The following SMYD3 variants were observed in gnomAD, a reference collection of about 807,000 sequenced individuals.
SMYD3 encodes histone-lysine N-methyltransferase SMYD3.
In SMYD3, 36 loss-of-function variants were observed where a neutral mutation model predicts 57.7. The observed-to-expected ratio is 0.62, with a 90% confidence interval of 0.48 to 0.82. SMYD3 has a LOEUF of 0.82. SMYD3 is among the 40% of genes least tolerant of loss of function. SMYD3 has a pLI of 0.00. For missense variants in SMYD3, 515 were observed against 538.8 expected (o/e 0.96, Z 0.44); for synonymous variants, 211 against 195.0 (o/e 1.08, Z -0.68).
At chr1:246,263,267 C>A (rs2064043998) in intron 5 of SMYD3, among the ~76,000 whole-genome samples, 1 of 152,170 alleles carries the variant, frequency 6.6e-6, no homozygotes, top group South Asian at 2.1e-4. Context: ...TGTTTCTGTA[C>A]TATAAAATAC....
chr1:246,067,516 T>C (rs1200014523), intron 5 of SMYD3, among the ~76,000 whole-genome samples: 1 of 152,126 alleles, frequency 6.6e-6, no homozygotes, highest in Non-Finnish European at 1.5e-5. Flanking sequence ...TGTCAGGATT[T>C]GCAGTTTCTT....
At chr1:246,316,687 C>G (rs902434301) in intron 5 of SMYD3, among the ~76,000 whole-genome samples, 8 of 146,742 alleles carry the variant, frequency 5.5e-5, no homozygotes, top group Non-Finnish European at 1.2e-4. Flanking sequence ...GGCCAAGACC[C>G]TGTCTTTTAA....
intron 5 of SMYD3, chr1:246,186,916 G>A: frequency 1.0e-6 from 1 of 985,430 alleles, no homozygotes; most frequent in South Asian, 4.7e-5. Flanking sequence ...TATGCAAGAG[G>A]TCTCACGGAA....
chr1:246,140,847 C>T (rs139501217), intron 5 of SMYD3, among the ~76,000 whole-genome samples: 23 of 152,278 alleles, frequency 1.5e-4, no homozygotes, highest in African/African-American at 4.6e-4. Flanking sequence ...CTCCCCTCTC[C>T]GCCTCCTGAG....
intron 11 of SMYD3, among the ~76,000 whole-genome samples, chr1:245,760,760 A>G (rs1245129874): frequency 9.2e-5 from 14 of 152,046 alleles, no homozygotes. Flanking sequence ...GTCATAGAAC[A>G]TAATTGTTCA....
intron 5 of SMYD3, among the ~76,000 whole-genome samples, chr1:245,983,949 CA>C (rs1419555647): frequency 2.0e-5 from 3 of 151,112 alleles, no homozygotes; most frequent in Non-Finnish European, 4.4e-5. Flanking sequence ...GCAACATTTC[CA>C]AAACCTTAAA....
chr1:246,116,089 G>A (rs940431067), intron 5 of SMYD3, among the ~76,000 whole-genome samples: 1 of 151,950 alleles, frequency 6.6e-6, no homozygotes, highest in Non-Finnish European at 1.5e-5. Context: ...GCAGTGAGCC[G>A]AGATCATACC....
intron 10 of SMYD3, among the ~76,000 whole-genome samples, chr1:245,842,173 C>T (rs9727921): frequency 2.0e-5 from 3 of 151,926 alleles, no homozygotes; most frequent in Non-Finnish European, 2.9e-5. Flanking sequence ...CGCATTTCTC[C>T]GAACGTATCC....
At chr1:246,157,446 G>A (rs977260963) in intron 5 of SMYD3, among the ~76,000 whole-genome samples, 3 of 152,024 alleles carry the variant, frequency 2.0e-5, no homozygotes, top group Non-Finnish European at 2.9e-5. Flanking sequence ...GCTCTCATCC[G>A]GTCAGGCATC....
intron 5 of SMYD3, among the ~76,000 whole-genome samples, chr1:246,027,011 A>G (rs1243226894): frequency 6.6e-6 from 1 of 152,248 alleles, no homozygotes; most frequent in Non-Finnish European, 1.5e-5. Flanking sequence ...TCAGAAAGTG[A>G]GACAGCCTTA....
chr1:246,165,220 C>A (rs189202389), intron 5 of SMYD3, among the ~76,000 whole-genome samples: 3 of 152,172 alleles, frequency 2.0e-5, no homozygotes, highest in Non-Finnish European at 4.4e-5. Flanking sequence ...CGCCAGACTA[C>A]AGCGGAGGTG....
At chr1:246,218,201 T>G (rs1429986214) in intron 5 of SMYD3, among the ~76,000 whole-genome samples, 1 of 151,624 alleles carries the variant, frequency 6.6e-6, no homozygotes, top group South Asian at 2.1e-4. Context: ...CATAAAAAAC[T>G]GATTTCAATA....
At chr1:246,441,891 C>T (rs2067477062) in intron 1 of SMYD3, among the ~76,000 whole-genome samples, 1 of 152,220 alleles carries the variant, frequency 6.6e-6, no homozygotes, top group Admixed American at 6.5e-5. Flanking sequence ...GGACTACAGG[C>T]GTGAACTTAC....
intron 5 of SMYD3, among the ~76,000 whole-genome samples, chr1:245,943,598 T>C (rs779195749): frequency 6.6e-6 from 1 of 152,002 alleles, no homozygotes. Context: ...TTCCAAACAA[T>C]TGAAAAAGAG....
chr1:246,329,915 G>A (rs1299242159), intron 4 of SMYD3, among the ~76,000 whole-genome samples: 6 of 152,048 alleles, frequency 3.9e-5, no homozygotes, highest in Non-Finnish European at 7.3e-5. Flanking sequence ...AAGGATCTGC[G>A]CCAATACAAA....
chr1:245,767,428 T>A (rs1354165972), intron 10 of SMYD3, among the ~76,000 whole-genome samples: 1 of 152,062 alleles, frequency 6.6e-6, no homozygotes, highest in Admixed American at 6.6e-5. Flanking sequence ...AATGAAATCA[T>A]GATATAGAAA....
At chr1:246,434,674 G>C (rs547507963) in intron 1 of SMYD3, among the ~76,000 whole-genome samples, 1 of 152,312 alleles carries the variant, frequency 6.6e-6, no homozygotes, top group South Asian at 2.1e-4. Context: ...GCAGAGAAAA[G>C]GGAACGTTTA....
intron 10 of SMYD3, among the ~76,000 whole-genome samples, chr1:245,804,062 A>G (rs1040111096): frequency 1.2e-4 from 18 of 151,690 alleles, no homozygotes; most frequent in African/African-American, 4.1e-4. Context: ...ACAGGCGCCC[A>G]CCACCACACT....
intron 10 of SMYD3, among the ~76,000 whole-genome samples, chr1:245,817,188 A>G (rs371190126): frequency 3.8e-4 from 57 of 148,916 alleles, no homozygotes; most frequent in East Asian, 5.9e-4. Context: ...CCCAGCACGC[A>G]GCTGGAGATC....
Sources: allele counts gnomAD v4.1 joint callset (sites outside exome capture counted in the v4.1 genomes callset), GRCh38; gene constraint gnomAD v4.1.1; transcripts MANE v1.5; gene names NCBI Gene and HGNC (gene_info 2026-07-23, HGNC 2026-07-21).